RANBP10: variants seen among roughly 807,000 people sequenced by gnomAD.
The protein encoded by RANBP10 is RAN binding protein 10.
Under a neutral mutation model 72.8 loss-of-function variants are expected in RANBP10, and 24 were observed. The ratio of observed to expected loss-of-function variants is 0.33; its 90% CI spans 0.24 to 0.46. The LOEUF is 0.46. Among genes scored for constraint, RANBP10 ranks in the 20% least tolerant of loss-of-function variants. The probability of loss-of-function intolerance (pLI) is 1.00; values close to 1 mark genes in which losing one functional copy is unlikely to be tolerated. For missense variants in RANBP10, 679 were observed against 817.5 expected, an observed-to-expected ratio of 0.83 and a Z score of 2.07; for synonymous variants, 310 against 322.3, an observed-to-expected ratio of 0.96 and a Z score of 0.41.
At chr16:67,774,784 A>T (rs1367691211) in intron 2 of RANBP10, among the ~76,000 whole-genome samples, 1 of 152,202 alleles carries the variant, frequency 6.6e-6, no homozygotes, top group African/African-American at 2.4e-5. Context: ...TTCCAAAAGC[A>T]TGGTGTTTTA....
At chr16:67,746,938 G>A in intron 3 of RANBP10, among the ~76,000 whole-genome samples, 2 of 152,188 alleles carry the variant, frequency 1.3e-5, no homozygotes, top group East Asian at 3.8e-4. Context: ...TACACCAGTT[G>A]ATGACATTTG....
At position 67,806,325 on chromosome 16, in the gene RANBP10, C is replaced by A. The variant is rs1446768524; in HGVS notation, c.212G>T (p.Gly71Val). Residue 71 changes from glycine (G) to valine (V), a missense_variant, in exon 1 of 14, where the codon GGC becomes GTC. By Grantham distance (109) the Gly-to-Val change is moderately radical (BLOSUM62 -3). Transcript: ENST00000317506. ...ACCTTTGTAGTGGACGCGGAGGTTG[C>A]CCTGGGAGAGACCAATGTAGTTGTA... ...DKYNYIGLSQ[G>V]NLRVHYKGHG... The A allele has an allele frequency of 1.2e-6, 2 of 1,613,038 alleles. No homozygotes were observed. Among genetic ancestry groups the A allele is most frequent in the South Asian group, 2.2e-5 (2 of 90,896 alleles).
At chr16:67,762,286 A>G (rs1384825123) in intron 3 of RANBP10, among the ~76,000 whole-genome samples, 1 of 152,146 alleles carries the variant, frequency 6.6e-6, no homozygotes, top group Non-Finnish European at 1.5e-5. Context: ...AGAATAACTA[A>G]TATTTATGTA....
chr16:67,770,705 G>C (rs1045634460), intron 3 of RANBP10, among the ~76,000 whole-genome samples: 14 of 152,226 alleles, frequency 9.2e-5, no homozygotes, highest in African/African-American at 3.4e-4. Flanking sequence ...TGTCTCCCCA[G>C]TTGCAGCCAG....
At chr16:67,735,067 T>A in intron 5 of RANBP10, 25 bp from the exon 6 acceptor site, 6 of 1,564,710 alleles carry the variant, frequency 3.8e-6, no homozygotes, top group Non-Finnish European at 5.2e-6. Flanking sequence ...GAAATGTCAG[T>A]CAGGCCCTGA....
intron 2 of RANBP10, among the ~76,000 whole-genome samples, chr16:67,800,270 C>T (rs1444380433): frequency 1.3e-5 from 2 of 152,234 alleles, no homozygotes; most frequent in Non-Finnish European, 2.9e-5. Context: ...GAGACCCCTG[C>T]TCTGGGCCTG....
At position 67,788,199 on chromosome 16, in the gene RANBP10, T is replaced by C. The variant is rs769068217; in HGVS notation, c.348-16113A>G. Among the ~76,000 whole-genome samples the C allele has an allele frequency of 2.7e-4, 41 of 152,144 alleles. 1 individual carries two copies. The highest frequency in any genetic ancestry group is 8.4e-4 in the African/African-American group (35 of 41,544). On this transcript the variant is annotated intron_variant, in intron 2 of 13. Coordinates refer to ENST00000317506, the MANE Select transcript of RANBP10 (RefSeq NM_020850.3). ...GAACTTTGATTGACTGACTGATTGA[T>C]TGATTGAGATAGAGTCTCACTCTGT...
chr16:67,764,411 G>A (rs1465968643), intron 3 of RANBP10, among the ~76,000 whole-genome samples: 1 of 152,146 alleles, frequency 6.6e-6, no homozygotes. Context: ...ACAACACTGA[G>A]ACTCAGTATC....
intron 2 of RANBP10, among the ~76,000 whole-genome samples, chr16:67,796,115 G>A (rs562331750): frequency 2.6e-5 from 4 of 151,758 alleles, no homozygotes; most frequent in South Asian, 2.1e-4. Context: ...ACAGGGTTTC[G>A]CCATGTCGGC....
intron 11 of RANBP10, among the ~76,000 whole-genome samples, chr16:67,728,135 G>T (rs2053645948): frequency 1.3e-5 from 2 of 152,224 alleles, no homozygotes; most frequent in African/African-American, 4.8e-5. Flanking sequence ...CAGACGCAGG[G>T]TGCTCATTAG....
At chr16:67,762,023 A>G (rs191365715) in intron 3 of RANBP10, among the ~76,000 whole-genome samples, 24 of 152,338 alleles carry the variant, frequency 1.6e-4, no homozygotes, top group Non-Finnish European at 2.5e-4. Context: ...TGGGAGGCCA[A>G]AGGAGGAGGA....
intron 2 of RANBP10, among the ~76,000 whole-genome samples, chr16:67,787,240 A>G (rs2054933355): frequency 6.6e-6 from 1 of 151,810 alleles, no homozygotes; most frequent in South Asian, 2.1e-4. Context: ...CTCTATCTCA[A>G]TCAATCAATC....
chr16:67,778,699 G>A (rs2054755977), intron 2 of RANBP10, among the ~76,000 whole-genome samples: 1 of 152,062 alleles, frequency 6.6e-6, no homozygotes, highest in African/African-American at 2.4e-5. Flanking sequence ...AAATGAGAGT[G>A]GCAAAGGCCT....
chr16:67,806,210 A>C (rs1229118938), intron 1 of RANBP10, 92 bp downstream of exon 1: 24 of 1,232,690 alleles, frequency 1.9e-5, no homozygotes, highest in Admixed American at 5.2e-5. Flanking sequence ...GCACCTAGGC[A>C]GGGAAAGGGA....
intron 2 of RANBP10, among the ~76,000 whole-genome samples, chr16:67,776,637 G>A (rs2054710790): frequency 6.6e-6 from 1 of 151,220 alleles, no homozygotes; most frequent in Non-Finnish European, 1.5e-5. Flanking sequence ...GCCGGGCGTG[G>A]TGGTGGGCAC....
intron 2 of RANBP10, among the ~76,000 whole-genome samples, chr16:67,778,735 A>G (rs1477909432): frequency 6.6e-6 from 1 of 152,170 alleles, no homozygotes; most frequent in Non-Finnish European, 1.5e-5. Context: ...AAGAAGGTGT[A>G]CATGTGGCCA....
At chr16:67,780,751 A>G (rs1242754808) in intron 2 of RANBP10, among the ~76,000 whole-genome samples, 5 of 152,186 alleles carry the variant, frequency 3.3e-5, no homozygotes, top group Non-Finnish European at 5.9e-5. Context: ...AACACAGTTA[A>G]TTTATTGGGT....
intron 4 of RANBP10, among the ~76,000 whole-genome samples, chr16:67,739,492 T>C (rs1482456542): frequency 6.6e-6 from 1 of 152,032 alleles, no homozygotes; most frequent in Non-Finnish European, 1.5e-5. Context: ...CTATCTCCAG[T>C]CCATACGCAG....
At chr16:67,753,482 T>C (rs1485833736) in intron 3 of RANBP10, among the ~76,000 whole-genome samples, 1 of 151,988 alleles carries the variant, frequency 6.6e-6, no homozygotes, top group Non-Finnish European at 1.5e-5. Flanking sequence ...CAATAAAGAT[T>C]CTATTTATAA....
Sources: gnomAD v4.1 joint callset for allele counts (sites outside exome capture counted in the v4.1 genomes callset) on GRCh38, gnomAD v4.1.1 for gene constraint, MANE v1.5 for transcripts, NCBI Gene and HGNC (gene_info 2026-07-23, HGNC 2026-07-21) for gene names.